The following ZSWIM5 variants were observed in gnomAD, a reference collection of about 807,000 sequenced individuals.
The protein encoded by ZSWIM5 is zinc finger SWIM domain-containing protein 5.
ZSWIM5 carries 55 observed loss-of-function variants against 119.6 expected under a neutral mutation model. The ratio of observed to expected loss-of-function variants is 0.46; its 90% CI spans 0.37 to 0.58. The LOEUF is 0.58. Ranked by LOEUF, ZSWIM5 falls within the 20% of genes least tolerant of loss-of-function variation. The probability of loss-of-function intolerance (pLI) is 0.00; values close to 1 mark genes in which losing one functional copy is unlikely to be tolerated. For synonymous variants in ZSWIM5, 537 were observed against 606.9 expected, an observed-to-expected ratio of 0.88 and a Z score of 1.69; for missense variants, 1,193 against 1,512.8, an observed-to-expected ratio of 0.79 and a Z score of 3.51.
Position 45,186,152 on chromosome 1 carries a change from C to CA in ZSWIM5, c.595+19603dup, listed in dbSNP as rs1375492857. ...CATTCTCAGTAAACTATCACAAGGACAAAAAACCAAACACCGCATGTTCTC... is the reference window on the plus strand; with the variant it reads ...CATTCTCAGTAAACTATCACAAGGACAAAAAAACCAAACACCGCATGTTCTC... On this transcript the variant is annotated intron_variant, in intron 1 of 13. Transcript: ENST00000359600. Among the ~76,000 whole-genome samples, 6 of 145,370 alleles carry CA rather than the reference C, an allele frequency of 4.1e-5. No individual in the cohort carries two copies. In the East Asian group the frequency reaches 1.2e-3, roughly 30 times the overall value.
At chr1:45,123,515 C>T (rs1645605005) in intron 1 of ZSWIM5, among the ~76,000 whole-genome samples, 1 of 152,094 alleles carries the variant, frequency 6.6e-6, no homozygotes, top group Middle Eastern at 3.4e-3. Flanking sequence ...ACAGAGAAAT[C>T]GGTAAACTTG....
chr1:45,155,542 A>C (rs900849099), intron 1 of ZSWIM5, among the ~76,000 whole-genome samples: 6 of 152,154 alleles, frequency 3.9e-5, no homozygotes, highest in African/African-American at 1.4e-4. Context: ...CCAGAGGTAA[A>C]GAAGTCATTA....
At position 45,020,131 on chromosome 1, in the gene ZSWIM5, A is replaced by T; in HGVS notation, c.2630T>A (p.Leu877Ter). The T allele has an allele frequency of 6.2e-7, 1 of 1,614,150 alleles. No homozygotes were observed. Among genetic ancestry groups the T allele is most frequent in the Non-Finnish European group, 8.5e-7 (1 of 1,180,022 alleles). The change falls in exon 13 of 14, where the codon TTA becomes TAA. Residue 877 changes from leucine to a stop codon, truncating the protein, a stop_gained. Coordinates refer to ENST00000359600, the MANE Select transcript of ZSWIM5 (RefSeq NM_020883.2). LOFTEE classifies it high-confidence loss of function. ...ELGLQVMRMT[L>*]STLNWRRREM... The stretch of plus-strand genomic sequence containing the variant: ...CCTGCGTCTCCAGTTAAGGGTTGAT[A>T]AGGTCATCCGCATCACCTGGGCACA...
intron 1 of ZSWIM5, among the ~76,000 whole-genome samples, chr1:45,186,425 T>C (rs1309669100): frequency 6.8e-6 from 1 of 148,080 alleles, no homozygotes; most frequent in Non-Finnish European, 1.5e-5. Context: ...GAAAAAATAA[T>C]AATAAAATCC....
At chr1:45,166,180 C>A (rs540710693) in intron 1 of ZSWIM5, among the ~76,000 whole-genome samples, 3 of 152,062 alleles carry the variant, frequency 2.0e-5, no homozygotes, top group Non-Finnish European at 4.4e-5. Context: ...AATCAATAAA[C>A]GTAATCCATC....
Position 45,039,120 on chromosome 1 carries a change from G to A in ZSWIM5, c.1757-47C>T, listed in dbSNP as rs1360836017. ...TTTTAGACAGTGATAGAGACAAACT[G>A]CTGTCTGTCCCTGCCTGGGTCTTCT... On this transcript the variant is annotated intron_variant, in intron 7 of 13. Coordinates refer to ENST00000359600, the MANE Select transcript of ZSWIM5 (RefSeq NM_020883.2). 4 of 1,605,006 alleles carry A rather than the reference G, an allele frequency of 2.5e-6. No homozygotes were observed. In the South Asian group the frequency reaches 3.3e-5, roughly 13 times the overall value.
intron 1 of ZSWIM5, among the ~76,000 whole-genome samples, chr1:45,090,602 A>T (rs1645358940): frequency 6.6e-6 from 1 of 152,100 alleles, no homozygotes; most frequent in African/African-American, 2.4e-5. Context: ...AATCAAAAAA[A>T]TTTGTGACCT....
In ZSWIM5 at chr1:45,039,015, G is replaced by C. The variant is rs370621832; in HGVS notation, c.1815C>G (p.Pro605=). The C allele has an allele frequency of 6.2e-7, 1 of 1,614,122 alleles. No homozygotes were observed. The highest frequency in any genetic ancestry group is 8.5e-7 in the Non-Finnish European group (1 of 1,180,018). The change falls in exon 8 of 14, where the codon CCC becomes CCG. Residue 605 remains proline, a synonymous_variant. Transcript: ENST00000359600. ...ITNLEGWVGH[P]LDPIDCLFLT... is the part of the protein sequence containing the mutation. ...GAAACAGGCAGTCGATGGGATCCAG[G>C]GGGTGGCCCACCCAGCCCTCCAGGT...
At chr1:45,107,641 C>CAAAAAAAAAAAAAAAAAAAAAAAAAA in intron 1 of ZSWIM5, among the ~76,000 whole-genome samples, 1 of 68,562 alleles carries the variant, frequency 1.5e-5, no homozygotes, top group Non-Finnish European at 3.1e-5. Context: ...GACTCTGTCT[C>CAAAAAAAAAAAAAAAAAAAAAAAAAA]AAAAAAAAAA....
intron 1 of ZSWIM5, among the ~76,000 whole-genome samples, chr1:45,137,622 T>C: frequency 6.6e-6 from 1 of 152,104 alleles, no homozygotes; most frequent in East Asian, 1.9e-4. Flanking sequence ...TCAAAAACTT[T>C]ACAAGCTGAG....
chr1:45,048,088 T>C (rs1377326560), intron 5 of ZSWIM5, among the ~76,000 whole-genome samples: 90 of 147,168 alleles, frequency 6.1e-4, no homozygotes, highest in Middle Eastern at 7.0e-3. Context: ...TTCTCTTTTT[T>C]TTTTTTTTTT....
At position 45,017,273 on chromosome 1, in the gene ZSWIM5, CAT is replaced by C. The variant is rs1404916094; in HGVS notation, c.*1179_*1180del. The stretch of plus-strand genomic sequence containing the variant: ...ACATGTAGAAATACGCTCAGTTACA[CAT>C]ATAAAGACACAGATGCATGGATAAC... On this transcript the variant is annotated 3_prime_UTR_variant, in exon 14 of 14. Transcript: ENST00000359600. The C allele has an allele frequency of 1.3e-5, 2 of 152,188 alleles. No homozygotes were observed. The highest frequency in any genetic ancestry group is 4.8e-5 in the African/African-American group (2 of 41,442). The allele number at this position is 152,188 out of a possible 1,614,324, so 9.4% of individuals were successfully genotyped here.
At chr1:45,024,221 G>A (rs12094272) in intron 11 of ZSWIM5, among the ~76,000 whole-genome samples, 1 of 143,222 alleles carries the variant, frequency 7.0e-6, no homozygotes, top group African/African-American at 2.6e-5. Flanking sequence ...ACGGAGTCTC[G>A]GTCTTGTCGC....
intron 1 of ZSWIM5, among the ~76,000 whole-genome samples, chr1:45,104,608 T>A (rs1557766862): frequency 6.6e-6 from 1 of 152,194 alleles, no homozygotes; most frequent in Non-Finnish European, 1.5e-5. Flanking sequence ...GATTGCAAAG[T>A]GAGGAGCAGT....
chr1:45,075,089 A>AT (rs1005125027), intron 2 of ZSWIM5, among the ~76,000 whole-genome samples: 4 of 151,388 alleles, frequency 2.6e-5, no homozygotes, highest in South Asian at 2.1e-4. Context: ...GCTTATTTCA[A>AT]TTTTTTTTGA....
chr1:45,063,976 T>C (rs1645167762), intron 2 of ZSWIM5, among the ~76,000 whole-genome samples: 1 of 151,102 alleles, frequency 6.6e-6, no homozygotes, highest in Non-Finnish European at 1.5e-5. Context: ...AGTGAGACTC[T>C]GTCTCAGAAA....
At chr1:45,171,683 G>A (rs183812730) in intron 1 of ZSWIM5, among the ~76,000 whole-genome samples, 1 of 152,192 alleles carries the variant, frequency 6.6e-6, no homozygotes, top group African/African-American at 2.4e-5. Flanking sequence ...TATCAAAGGG[G>A]CTTTGTAAGA....
chr1:45,184,506 T>C (rs2149050392), intron 1 of ZSWIM5, among the ~76,000 whole-genome samples: 1 of 152,346 alleles, frequency 6.6e-6, no homozygotes, highest in East Asian at 1.9e-4. Flanking sequence ...AACCCCATTG[T>C]CTCAGCCCAA....
In ZSWIM5 at chr1:45,088,193, C is replaced by T. The variant is rs1645343225; in HGVS notation, c.640G>A (p.Glu214Lys). The change falls in exon 2 of 14, where the codon GAA becomes AAA. Residue 214 changes from glutamate (E) to lysine (K), a missense_variant. Glu to Lys is a moderately conservative substitution (Grantham distance 56, BLOSUM62 1). Around this residue, in one of 2 missense-constraint regions of ZSWIM5, gnomAD observed 961 missense variants for 1,290.0 expected, o/e 0.74. Coordinates refer to ENST00000359600, the MANE Select transcript of ZSWIM5 (RefSeq NM_020883.2). The surrounding 1 kb of genome is among the most constrained non-coding windows in gnomAD (Gnocchi z 4.2). ...GCAACTTTATAAGTCACTGCTGGTT[C>T]AGAGGCAGTGGCCAGCTCAGTTACT... ...GTVTELATAS[E>K]PAVTYKVAIS... The T allele has an allele frequency of 3.7e-6, 6 of 1,613,306 alleles. No individual in the cohort carries two copies. The highest frequency in any genetic ancestry group is 5.1e-6 in the Non-Finnish European group (6 of 1,179,586).
Sources: allele counts gnomAD v4.1 joint callset (sites outside exome capture counted in the v4.1 genomes callset), GRCh38; gene constraint gnomAD v4.1.1; regional missense constraint gnomAD v4.1.1; non-coding constraint Gnocchi (gnomAD v3.1); transcripts MANE v1.5; gene names NCBI Gene and HGNC (gene_info 2026-07-23, HGNC 2026-07-21).